Variants in GLI2 observed in about 807,000 individuals in gnomAD.
The protein encoded by GLI2 is GLI family zinc finger 2.
A neutral mutation model predicts 78.9 loss-of-function variants in GLI2; 22 were observed. The observed-to-expected ratio is 0.28, with a 90% CI of 0.20 to 0.40. The LOEUF is 0.40. GLI2 is among the 10% of genes least tolerant of loss of function. GLI2 has a pLI of 1.00. For synonymous variants in GLI2, 974 were observed against 963.7 expected, an observed-to-expected ratio of 1.01 and a Z score of -0.20; for missense variants, 2,097 against 2,213.2, an observed-to-expected ratio of 0.95 and a Z score of 1.05.
intron 2 of GLI2, among the ~76,000 whole-genome samples, chr2:120,880,143 T>C (rs1677048936): frequency 6.6e-6 from 1 of 152,112 alleles, no homozygotes; most frequent in African/African-American, 2.4e-5. Context: ...GAAAGAAAGT[T>C]GTCTTAAAGG....
At chr2:120,795,779 G>A (rs1684362900) in intron 1 of GLI2, among the ~76,000 whole-genome samples, 1 of 151,930 alleles carries the variant, frequency 6.6e-6, no homozygotes, top group African/African-American at 2.4e-5. Context: ...GCCAGGTGCG[G>A]TGGCTCACGC....
rs1203540721 is a variant in GLI2 at position 120,988,512 on chromosome 2, G to C, written c.2547G>C (p.Ser849=). ...DPISTDASRR[S]SEASQCSGGS... is the part of the protein sequence containing the mutation. ...TCTCCACGGACGCGTCGCGGCGCTC[G>C]AGCGAGGCCAGCCAGTGCAGCGGCG... Residue 849 remains serine (S), a synonymous_variant, in exon 14 of 14, where the codon TCG becomes TCC. Coordinates refer to ENST00000361492, the MANE Select transcript of GLI2 (RefSeq NM_001374353.1). 2.6e-6 allele frequency: 4 copies of C among 1,523,920 alleles called. No homozygotes were observed. In the East Asian group the frequency reaches 7.8e-5, roughly 30 times the overall value. The allele number at this position is 1,523,920 out of a possible 1,614,324, so 94.4% of individuals were successfully genotyped here.
intron 2 of GLI2, among the ~76,000 whole-genome samples, chr2:120,846,815 TC>T (rs1322517369): frequency 2.0e-5 from 3 of 152,242 alleles, no homozygotes; most frequent in Admixed American, 2.0e-4. Context: ...TCTAGCTGCA[TC>T]TCAGAGTTGC....
intron 12 of GLI2, 110 bp from the exon 13 acceptor site, chr2:120,986,168 C>T: frequency 1.0e-6 from 1 of 961,990 alleles, no homozygotes. Flanking sequence ...TTCCCTCACC[C>T]TCAGCCCCTC....
At chr2:120,921,464 T>C (rs1177088003) in intron 2 of GLI2, among the ~76,000 whole-genome samples, 3 of 152,072 alleles carry the variant, frequency 2.0e-5, no homozygotes, top group Non-Finnish European at 4.4e-5. Flanking sequence ...CCTTGGGGTG[T>C]CACTGGCTGG....
At chr2:120,849,701 G>C (rs1687310021) in intron 2 of GLI2, among the ~76,000 whole-genome samples, 1 of 152,190 alleles carries the variant, frequency 6.6e-6, no homozygotes, top group Non-Finnish European at 1.5e-5. Flanking sequence ...TGGACACCCA[G>C]GGTTTAAGTG....
At chr2:120,957,707 G>A (rs12373683) in intron 5 of GLI2, among the ~76,000 whole-genome samples, 5,770 of 152,326 alleles carry the variant, frequency 0.038, 154 homozygotes, top group Non-Finnish European at 0.056. Flanking sequence ...GTGATTTTCA[G>A]CATGAGCGTC....
At chr2:120,805,745 G>C (rs1684918997) in intron 2 of GLI2, among the ~76,000 whole-genome samples, 1 of 152,160 alleles carries the variant, frequency 6.6e-6, no homozygotes, top group African/African-American at 2.4e-5. Context: ...AAGTGACTGT[G>C]TTTATGTTGG....
At chr2:120,777,109 T>G (rs762521061) in intron 1 of GLI2, among the ~76,000 whole-genome samples, 1 of 152,036 alleles carries the variant, frequency 6.6e-6, no homozygotes, top group African/African-American at 2.4e-5. Context: ...CGTGAGTGTG[T>G]GTATGATGTG....
At chr2:120,769,164 C>A (rs1446189478) in intron 1 of GLI2, among the ~76,000 whole-genome samples, 1 of 152,206 alleles carries the variant, frequency 6.6e-6, no homozygotes, top group Non-Finnish European at 1.5e-5. Flanking sequence ...CTGGAGCCCC[C>A]ACTTGGTGCC....
intron 2 of GLI2, among the ~76,000 whole-genome samples, chr2:120,836,592 A>G (rs1003932607): frequency 1.3e-5 from 2 of 152,218 alleles, no homozygotes; most frequent in African/African-American, 4.8e-5. Context: ...GGGGTTTATA[A>G]AATCAATTTC....
chr2:120,799,200 G>C (rs546075079), intron 2 of GLI2, among the ~76,000 whole-genome samples: 2 of 152,282 alleles, frequency 1.3e-5, no homozygotes, highest in East Asian at 3.9e-4. Context: ...CCAGGCAGGA[G>C]GCCCAAAGTT....
At position 120,874,455 on chromosome 2, in the gene GLI2, C is replaced by T. The variant is rs184473220; in HGVS notation, c.149-52906C>T. Among the ~76,000 whole-genome samples the T allele has an allele frequency of 3.0e-3, 454 of 152,340 alleles. 1 individual carries two copies. The highest frequency in any genetic ancestry group is 0.01 in the Middle Eastern group (3 of 294). On this transcript the variant is annotated intron_variant, in intron 2 of 13. Coordinates refer to ENST00000361492, the MANE Select transcript of GLI2 (RefSeq NM_001374353.1). The stretch of plus-strand genomic sequence containing the variant: ...CAGCTCACCCATCAGCCGCAGCCCC[C>T]GTCTGTGCGCAGAGCCCTAGCCATG...
At chr2:120,810,082 A>G (rs910133119) in intron 2 of GLI2, among the ~76,000 whole-genome samples, 2 of 151,774 alleles carry the variant, frequency 1.3e-5, no homozygotes, top group African/African-American at 2.4e-5. Flanking sequence ...GAAATTAACT[A>G]CTCTGCTGGG....
rs1427321225 is a variant in GLI2, at chr2:120,982,893, G to A, written c.1632+13G>A. The A allele has an allele frequency of 1.2e-6, 2 of 1,612,558 alleles. No homozygotes were observed. The highest frequency in any genetic ancestry group is 2.2e-5 in the South Asian group (2 of 90,890). Reference sequence around the variant, plus strand: ...CCACTCCAACGAGGTACCTCTGCGGGGCATGCACTGGGCATGCACACTGGG... The same window carrying A: ...CCACTCCAACGAGGTACCTCTGCGGAGCATGCACTGGGCATGCACACTGGG... On this transcript the variant is annotated intron_variant, in intron 11 of 13. Coordinates refer to ENST00000361492, the MANE Select transcript of GLI2 (RefSeq NM_001374353.1).
intron 1 of GLI2, among the ~76,000 whole-genome samples, chr2:120,792,927 G>A (rs1042229093): frequency 6.6e-6 from 1 of 152,158 alleles, no homozygotes; most frequent in African/African-American, 2.4e-5. Flanking sequence ...GGCTGAACTT[G>A]TAGATTATTT....
chr2:120,771,380 G>A (rs1683517232), intron 1 of GLI2, among the ~76,000 whole-genome samples: 1 of 152,234 alleles, frequency 6.6e-6, no homozygotes, highest in Admixed American at 6.5e-5. Context: ...CGGGCAAATG[G>A]CTTCAGGTTT....
At chr2:120,796,828 G>C (rs1209239181) in intron 1 of GLI2, among the ~76,000 whole-genome samples, 1 of 152,208 alleles carries the variant, frequency 6.6e-6, no homozygotes. Flanking sequence ...TGAATGAATG[G>C]GTGAAGGAGT....
chr2:120,790,873 C>G (rs2104683525), intron 1 of GLI2, among the ~76,000 whole-genome samples: 1 of 152,242 alleles, frequency 6.6e-6, no homozygotes, highest in East Asian at 1.9e-4. Context: ...GACTGTCCCC[C>G]CAGGGCCCTG....
Sources: gnomAD v4.1 joint callset for allele counts (sites outside exome capture counted in the v4.1 genomes callset) on GRCh38, gnomAD v4.1.1 for gene constraint, MANE v1.5 for transcripts, NCBI Gene and HGNC (gene_info 2026-07-23, HGNC 2026-07-21) for gene names.